Variants in KCNH8 observed in about 807,000 individuals in gnomAD.
KCNH8 encodes the protein potassium voltage-gated channel subfamily H member 8, also known as voltage-gated delayed rectifier potassium channel KCNH8.
In KCNH8, 70 loss-of-function variants were observed where a neutral mutation model predicts 103.6. The ratio of observed to expected loss-of-function variants is 0.68; its 90% CI spans 0.56 to 0.82. The LOEUF (loss-of-function observed/expected upper bound fraction) is 0.82. KCNH8 is among the 40% of genes least tolerant of loss of function. The pLI is 0.00. For synonymous variants in KCNH8, 498 were observed against 489.4 expected (o/e 1.02, Z -0.23); for missense variants, 1,217 against 1,329.9 (o/e 0.92, Z 1.32).
intron 11 of KCNH8, among the ~76,000 whole-genome samples, chr3:19,485,223 T>C (rs1024574769): frequency 1.3e-5 from 2 of 152,154 alleles, no homozygotes; most frequent in African/African-American, 4.8e-5. Flanking sequence ...ACGGGTTACT[T>C]CATAGGCCTT....
intron 2 of KCNH8, among the ~76,000 whole-genome samples, chr3:19,268,158 A>G (rs1357250029): frequency 2.0e-5 from 3 of 152,138 alleles, no homozygotes; most frequent in East Asian, 3.9e-4. Context: ...CCTGTACCTT[A>G]TGGTCTATTA....
intron 11 of KCNH8, among the ~76,000 whole-genome samples, chr3:19,508,307 A>G (rs551337237): frequency 2.0e-5 from 3 of 152,292 alleles, no homozygotes; most frequent in African/African-American, 7.2e-5. Flanking sequence ...TACCTTAGGT[A>G]ATCAAAGGTA....
At chr3:19,508,127 C>G (rs376935704) in intron 11 of KCNH8, among the ~76,000 whole-genome samples, 2 of 152,128 alleles carry the variant, frequency 1.3e-5, no homozygotes, top group Admixed American at 6.6e-5. Context: ...TTTTGATGTG[C>G]TGCTGGATTC....
At chr3:19,413,470 C>G (rs1243725775) in intron 7 of KCNH8, among the ~76,000 whole-genome samples, 1 of 151,982 alleles carries the variant, frequency 6.6e-6, no homozygotes, top group Non-Finnish European at 1.5e-5. Context: ...ATTCATACCT[C>G]AAACCTCGGA....
chr3:19,334,638 TTATATC>T (rs2065557369), intron 3 of KCNH8, among the ~76,000 whole-genome samples: 1 of 151,790 alleles, frequency 6.6e-6, no homozygotes, highest in Admixed American at 6.6e-5. Context: ...TAAATCCTCT[TTATATC>T]TAGGATCTAT....
intron 1 of KCNH8, among the ~76,000 whole-genome samples, chr3:19,183,678 C>T (rs774866820): frequency 2.5e-4 from 38 of 152,246 alleles, no homozygotes; most frequent in African/African-American, 7.9e-4. Context: ...ACATATTTGA[C>T]GTGGAAGATA....
chr3:19,512,353 G>C (rs1286807835), intron 12 of KCNH8, among the ~76,000 whole-genome samples: 1 of 152,116 alleles, frequency 6.6e-6, no homozygotes, highest in Non-Finnish European at 1.5e-5. Context: ...CTTTTCCAAG[G>C]CTTTTCAAAG....
intron 3 of KCNH8, among the ~76,000 whole-genome samples, chr3:19,287,861 G>A (rs533103505): frequency 1.1e-4 from 17 of 152,260 alleles, no homozygotes; most frequent in African/African-American, 4.1e-4. Flanking sequence ...TAGGATTACA[G>A]GCGTAAGCCA....
At chr3:19,473,349 C>G (rs1272582314) in intron 11 of KCNH8, among the ~76,000 whole-genome samples, 3 of 152,148 alleles carry the variant, frequency 2.0e-5, no homozygotes, top group Non-Finnish European at 4.4e-5. Flanking sequence ...ATCTGATTAA[C>G]AAGAGGACAA....
At chr3:19,250,209 G>A (rs1255411257) in intron 1 of KCNH8, among the ~76,000 whole-genome samples, 1 of 151,762 alleles carries the variant, frequency 6.6e-6, no homozygotes, top group Non-Finnish European at 1.5e-5. Flanking sequence ...AGGCTGCAGC[G>A]AGCTGTGATT....
chr3:19,492,006 T>C (rs2068333382), intron 11 of KCNH8, among the ~76,000 whole-genome samples: 1 of 152,268 alleles, frequency 6.6e-6, no homozygotes, highest in African/African-American at 2.4e-5. Context: ...TTTTGCTCAC[T>C]TTTTAATGGA....
intron 11 of KCNH8, among the ~76,000 whole-genome samples, chr3:19,465,430 A>G (rs959117691): frequency 2.0e-5 from 3 of 152,108 alleles, no homozygotes; most frequent in Non-Finnish European, 2.9e-5. Context: ...CTTTCAAAAT[A>G]TTACTGCTCA....
intron 5 of KCNH8, among the ~76,000 whole-genome samples, chr3:19,361,953 T>C (rs781782495): frequency 9.9e-5 from 15 of 152,254 alleles, no homozygotes; most frequent in Non-Finnish European, 1.9e-4. Flanking sequence ...TCTGGTTAAT[T>C]ACTGACGAAG....
intron 11 of KCNH8, among the ~76,000 whole-genome samples, chr3:19,499,760 G>A (rs1471910595): frequency 2.6e-5 from 4 of 152,050 alleles, no homozygotes; most frequent in Non-Finnish European, 5.9e-5. Flanking sequence ...GTCACCACCA[G>A]GCCTGCCCTA....
At chr3:19,448,518 G>C (rs907966894) in intron 8 of KCNH8, among the ~76,000 whole-genome samples, 4 of 152,010 alleles carry the variant, frequency 2.6e-5, no homozygotes, top group Non-Finnish European at 5.9e-5. Flanking sequence ...TCCAATGTAA[G>C]ATTAGAATTA....
At chr3:19,488,693 C>A (rs1207754191) in intron 11 of KCNH8, among the ~76,000 whole-genome samples, 1 of 152,112 alleles carries the variant, frequency 6.6e-6, no homozygotes, top group Non-Finnish European at 1.5e-5. Flanking sequence ...CCATCTTAGC[C>A]TCCCTGTGTC....
chr3:19,347,570 T>A (rs1054066749), intron 4 of KCNH8, among the ~76,000 whole-genome samples, 155 bp from the exon 5 acceptor site: 5 of 152,114 alleles, frequency 3.3e-5, no homozygotes, highest in Non-Finnish European at 7.4e-5. Flanking sequence ...TTTAGATGTT[T>A]AGATGCTTTG....
intron 11 of KCNH8, among the ~76,000 whole-genome samples, chr3:19,501,111 C>A (rs1173255148): frequency 2.6e-5 from 4 of 152,152 alleles, no homozygotes; most frequent in Non-Finnish European, 5.9e-5. Flanking sequence ...ACCGATCCCA[C>A]AGAAATACAA....
At chr3:19,257,164 A>T (rs2125255535) in intron 2 of KCNH8, among the ~76,000 whole-genome samples, 1 of 152,100 alleles carries the variant, frequency 6.6e-6, no homozygotes, top group South Asian at 2.1e-4. Flanking sequence ...TTCTTCAAGG[A>T]TCATTTTCTT....
Sources: gnomAD v4.1 joint callset for allele counts (sites outside exome capture counted in the v4.1 genomes callset) on GRCh38, gnomAD v4.1.1 for gene constraint, MANE v1.5 for transcripts, NCBI Gene and HGNC (gene_info 2026-07-23, HGNC 2026-07-21) for gene names.